The following MRTFA variants were observed in gnomAD, a reference collection of about 807,000 sequenced individuals.
MRTFA encodes myocardin-related transcription factor A.
A neutral mutation model predicts 83.5 loss-of-function variants in MRTFA; 20 were observed. The ratio of observed to expected loss-of-function variants is 0.24; its 90% CI spans 0.17 to 0.35. The LOEUF (loss-of-function observed/expected upper bound fraction) is 0.35. Ranked by LOEUF, MRTFA falls within the 10% of genes least tolerant of loss-of-function variation. The pLI is 1.00. For synonymous variants in MRTFA, 659 were observed against 541.2 expected (o/e 1.22, Z -3.02); for missense variants, 1,200 against 1,224.7 (o/e 0.98, Z 0.30).
chr22:40,469,413 G>C (rs5995863), intron 3 of MRTFA, among the ~76,000 whole-genome samples: 2 of 152,104 alleles, frequency 1.3e-5, no homozygotes, highest in African/African-American at 2.4e-5. Context: ...TGCTCCCCAT[G>C]TGCCTTCTGT....
intron 3 of MRTFA, among the ~76,000 whole-genome samples, chr22:40,474,542 T>C (rs991906192): frequency 1.3e-5 from 2 of 152,204 alleles, no homozygotes; most frequent in Non-Finnish European, 1.5e-5. Context: ...GGTCAGCACA[T>C]ATACTTACCT....
intron 3 of MRTFA, among the ~76,000 whole-genome samples, chr22:40,506,238 T>G (rs2054579191): frequency 6.6e-6 from 1 of 152,038 alleles, no homozygotes. Context: ...GCGAGACTCT[T>G]ATCTCAAAAA....
intron 3 of MRTFA, among the ~76,000 whole-genome samples, chr22:40,513,938 A>C (rs1483896821): frequency 6.6e-6 from 1 of 151,728 alleles, no homozygotes; most frequent in African/African-American, 2.4e-5. Flanking sequence ...CTCTAGTTAA[A>C]GTAATAATTT....
chr22:40,606,594 A>T (rs2147404527), intron 1 of MRTFA, among the ~76,000 whole-genome samples: 1 of 152,328 alleles, frequency 6.6e-6, no homozygotes, highest in South Asian at 2.1e-4. Flanking sequence ...TAAATTATAG[A>T]AATTCTTCCA....
chr22:40,556,824 CT>C (rs1305600667), intron 2 of MRTFA, among the ~76,000 whole-genome samples: 7 of 152,282 alleles, frequency 4.6e-5, no homozygotes, highest in Non-Finnish European at 8.8e-5. Context: ...AGCATGTCTG[CT>C]TCTTTTAACA....
At chr22:40,419,487 T>A in intron 11 of MRTFA, 103 bp from the exon 12 acceptor site, 2 of 1,003,392 alleles carry the variant, frequency 2.0e-6, no homozygotes, top group Non-Finnish European at 3.0e-6. Flanking sequence ...TGCAGATGCA[T>A]CAACTACCCT....
chr22:40,616,178 A>G (rs1036857402), intron 1 of MRTFA, among the ~76,000 whole-genome samples: 2 of 152,042 alleles, frequency 1.3e-5, no homozygotes, highest in Admixed American at 6.6e-5. Flanking sequence ...CAAAGTCTAC[A>G]CTCCTTCATG....
intron 1 of MRTFA, among the ~76,000 whole-genome samples, chr22:40,628,900 C>CACCCTGACAGGTCACCCAATTT (rs374360161): frequency 1.3e-5 from 2 of 152,162 alleles, no homozygotes; most frequent in Admixed American, 6.5e-5. Context: ...CCACCCAATG[C>CACCCTGACAGGTCACCCAATTT]ACCCTGACAG....
At chr22:40,489,929 G>A (rs904874324) in intron 3 of MRTFA, among the ~76,000 whole-genome samples, 3 of 135,698 alleles carry the variant, frequency 2.2e-5, no homozygotes, top group African/African-American at 5.6e-5. Context: ...CAGAGATCGC[G>A]CCACTGCACT....
intron 1 of MRTFA, among the ~76,000 whole-genome samples, chr22:40,617,382 C>T (rs952008693): frequency 4.0e-5 from 6 of 151,868 alleles, no homozygotes; most frequent in African/African-American, 1.2e-4. Flanking sequence ...CAAACGGAGG[C>T]CAAATTGAAA....
chr22:40,552,264 T>C lies in MRTFA; in HGVS notation c.83A>G (p.Asp28Gly). ...TAAGGACACGAGCACTGGTTCATCATCATTTTCGCCGGCCCCTCCTCCGTC... is the reference window on the plus strand; with the variant it reads ...TAAGGACACGAGCACTGGTTCATCACCATTTTCGCCGGCCCCTCCTCCGTC... The change falls in exon 3 of 15, where the codon GAT (aspartate) becomes GGT (glycine). Residue 28 changes from aspartate (D) to glycine (G), a missense_variant. Coordinates refer to ENST00000355630, the MANE Select transcript of MRTFA (RefSeq NM_020831.6). 2.5e-6 allele frequency: 1 copy of C among 399,034 alleles called. No homozygotes were observed. Among genetic ancestry groups the C allele is most frequent in the Non-Finnish European group, 4.4e-6 (1 of 226,096 alleles). 24.7% of individuals were successfully genotyped at this position (399,034 alleles called of 1,614,324 possible). A position where few individuals can be genotyped will look rare whatever the true frequency, so the allele number is the denominator to read the frequency against.
intron 3 of MRTFA, among the ~76,000 whole-genome samples, chr22:40,503,281 C>G (rs956950583): frequency 6.6e-6 from 1 of 152,162 alleles, no homozygotes; most frequent in Non-Finnish European, 1.5e-5. Context: ...TGTCACCAGA[C>G]AATTAATTTC....
intron 3 of MRTFA, among the ~76,000 whole-genome samples, chr22:40,498,280 T>TATATATA (rs1602339571): frequency 1.0e-5 from 1 of 100,358 alleles, no homozygotes; most frequent in South Asian, 3.9e-4. Flanking sequence ...TATATTTTTT[T>TATATATA]TTTTTTTTTT....
chr22:40,530,215 C>G (rs2055053705), intron 3 of MRTFA, among the ~76,000 whole-genome samples: 1 of 152,232 alleles, frequency 6.6e-6, no homozygotes, highest in Non-Finnish European at 1.5e-5. Context: ...CATTCTAAAA[C>G]ACACCAGAGT....
At chr22:40,586,738 T>C (rs1395248712) in intron 2 of MRTFA, 1 of 292,524 alleles carries the variant, frequency 3.4e-6, no homozygotes, top group Non-Finnish European at 6.7e-6. Context: ...GTAGGTTTTT[T>C]TTTCAGCTAC....
At chr22:40,625,855 A>T (rs2056576126) in intron 1 of MRTFA, among the ~76,000 whole-genome samples, 4 of 152,194 alleles carry the variant, frequency 2.6e-5, no homozygotes, top group Admixed American at 2.6e-4. Context: ...CTTTCCCTTC[A>T]ATGCCACAAC....
intron 7 of MRTFA, among the ~76,000 whole-genome samples, chr22:40,428,627 C>T (rs2053003581): frequency 6.6e-6 from 1 of 152,194 alleles, no homozygotes; most frequent in South Asian, 2.1e-4. Context: ...GATCTTCCCA[C>T]CTCAGCCTCC....
chr22:40,447,685 CCTT>C (rs1156907323), intron 4 of MRTFA, among the ~76,000 whole-genome samples: 4 of 152,206 alleles, frequency 2.6e-5, no homozygotes, highest in Admixed American at 1.3e-4. Flanking sequence ...AAAATGGTCT[CCTT>C]GTTTTCCCCA....
intron 2 of MRTFA, chr22:40,586,952 C>T: frequency 2.2e-6 from 1 of 448,084 alleles, no homozygotes; most frequent in Non-Finnish European, 4.6e-6. Context: ...CCACCGCCGC[C>T]GCTGCCTTAT....
Sources: allele counts gnomAD v4.1 joint callset (sites outside exome capture counted in the v4.1 genomes callset), GRCh38; gene constraint gnomAD v4.1.1; transcripts MANE v1.5; gene names NCBI Gene and HGNC (gene_info 2026-07-23, HGNC 2026-07-21).